The following POU6F2 variants were observed in gnomAD, a reference collection of about 807,000 sequenced individuals.
POU6F2 encodes the protein POU domain, class 6, transcription factor 2.
In POU6F2, 31 loss-of-function variants were observed where a neutral mutation model predicts 71.3. That is an observed-to-expected ratio of 0.43 (90% CI 0.33 to 0.59). The LOEUF (loss-of-function observed/expected upper bound fraction) is 0.59. Ranked by LOEUF, POU6F2 falls within the 20% of genes least tolerant of loss-of-function variation. POU6F2 has a pLI of 0.04. For missense variants in POU6F2, 783 were observed against 856.8 expected, an observed-to-expected ratio of 0.91 and a Z score of 1.07; for synonymous variants, 347 against 355.7, an observed-to-expected ratio of 0.98 and a Z score of 0.27.
chr7:39,146,532 A>C (rs1792630062), intron 2 of POU6F2, among the ~76,000 whole-genome samples: 2 of 152,238 alleles, frequency 1.3e-5, no homozygotes, highest in African/African-American at 4.8e-5. Flanking sequence ...ACCCAAATCT[A>C]AACTGTATAG....
At chr7:39,411,614 T>G (rs1787551883) in intron 6 of POU6F2, among the ~76,000 whole-genome samples, 1 of 152,208 alleles carries the variant, frequency 6.6e-6, no homozygotes, top group African/African-American at 2.4e-5. Flanking sequence ...GTCAGGTTAC[T>G]CAAGAACGCA....
At chr7:38,987,831 G>T (rs1355774580) in intron 1 of POU6F2, among the ~76,000 whole-genome samples, 1 of 151,688 alleles carries the variant, frequency 6.6e-6, no homozygotes, top group East Asian at 1.9e-4. Context: ...TTGAATAAAA[G>T]ATGGGAGTGT....
At position 39,406,756 on chromosome 7, in the gene POU6F2, G is replaced by C; in HGVS notation, c.1113+16G>C. On this transcript the variant is annotated intron_variant, in intron 6 of 9. Coordinates refer to ENST00000518318, the MANE Select transcript of POU6F2 (RefSeq NM_001370959.1). Reference sequence around the variant, plus strand: ...ACAAGGACAGGTGAGTGGGAGATGGGAACAAGAGTGCATTTTTATGGCAGA... The same window carrying C: ...ACAAGGACAGGTGAGTGGGAGATGGCAACAAGAGTGCATTTTTATGGCAGA... 6.2e-7 allele frequency: 1 copy of C among 1,612,432 alleles called. No individual in the cohort carries two copies. Among genetic ancestry groups the C allele is most frequent in the Non-Finnish European group, 8.5e-7 (1 of 1,179,842 alleles).
chr7:39,056,754 AT>A (rs1790536917), intron 1 of POU6F2, among the ~76,000 whole-genome samples: 1 of 150,764 alleles, frequency 6.6e-6, no homozygotes, highest in Admixed American at 6.6e-5. Flanking sequence ...CCAGTAGGAC[AT>A]TTTTTAATAA....
rs1794048115 is a variant in POU6F2, at chr7:39,207,630, A to G, written c.598+10A>G. The G allele has an allele frequency of 1.2e-6, 2 of 1,610,896 alleles. No individual in the cohort carries two copies. The highest frequency in any genetic ancestry group is 1.3e-5 in the African/African-American group (1 of 75,000). On this transcript the variant is annotated intron_variant, in intron 4 of 9. Coordinates refer to ENST00000518318, the MANE Select transcript of POU6F2 (RefSeq NM_001370959.1). Reference sequence around the variant, plus strand: ...CTGCAAAATCTACAAGGTAATCCATAATGTCCATGCGCCACGTAAGGCTCT... The same window carrying G: ...CTGCAAAATCTACAAGGTAATCCATGATGTCCATGCGCCACGTAAGGCTCT...
intron 2 of POU6F2, among the ~76,000 whole-genome samples, chr7:39,184,597 C>A (rs533609409): frequency 6.8e-4 from 103 of 152,298 alleles, no homozygotes; most frequent in African/African-American, 2.4e-3. Flanking sequence ...AGCAACTGTG[C>A]GGCAAGGCAA....
chr7:39,423,741 A>T (rs1037322971), intron 6 of POU6F2, among the ~76,000 whole-genome samples: 3 of 152,214 alleles, frequency 2.0e-5, no homozygotes, highest in African/African-American at 7.2e-5. Flanking sequence ...ACAAAATGGC[A>T]AGTTCTCTGT....
At chr7:39,330,597 G>T (rs1357384137) in intron 4 of POU6F2, among the ~76,000 whole-genome samples, 1 of 152,182 alleles carries the variant, frequency 6.6e-6, no homozygotes, top group African/African-American at 2.4e-5. Context: ...ATTCCTCTCA[G>T]TGTGGATTTT....
chr7:39,371,906 T>G (rs1397258305), intron 5 of POU6F2, among the ~76,000 whole-genome samples: 1 of 152,154 alleles, frequency 6.6e-6, no homozygotes, highest in Non-Finnish European at 1.5e-5. Context: ...TGTTTGTTTT[T>G]TGTGTGTGTT....
intron 5 of POU6F2, among the ~76,000 whole-genome samples, chr7:39,365,722 A>G (rs1004603966): frequency 1.3e-5 from 2 of 152,228 alleles, no homozygotes; most frequent in African/African-American, 4.8e-5. Context: ...TAGATTATCT[A>G]TTCTCAATGG....
At chr7:39,334,045 GACAAT>G (rs1280689108) in intron 4 of POU6F2, among the ~76,000 whole-genome samples, 1 of 152,192 alleles carries the variant, frequency 6.6e-6, no homozygotes, top group Non-Finnish European at 1.5e-5. Context: ...GGGTGGCTCA[GACAAT>G]ACAAGGAAAT....
intron 1 of POU6F2, among the ~76,000 whole-genome samples, chr7:39,077,351 C>T (rs1046023043): frequency 2.0e-5 from 3 of 152,134 alleles, no homozygotes; most frequent in African/African-American, 7.2e-5. Context: ...GTGAGGATTC[C>T]GAGGAGGTGT....
chr7:39,216,721 A>G (rs1048276028), intron 4 of POU6F2, among the ~76,000 whole-genome samples: 26 of 152,236 alleles, frequency 1.7e-4, no homozygotes, highest in Non-Finnish European at 1.5e-5. Context: ...TTCACAAAAT[A>G]CCAACTTTCT....
chr7:39,133,007 A>G (rs957193679), intron 2 of POU6F2, among the ~76,000 whole-genome samples: 2 of 152,238 alleles, frequency 1.3e-5, no homozygotes, highest in African/African-American at 4.8e-5. Context: ...AAAGTCCTGT[A>G]GATTCTTGTG....
chr7:39,057,220 C>G (rs553308504), intron 1 of POU6F2, among the ~76,000 whole-genome samples: 1 of 152,130 alleles, frequency 6.6e-6, no homozygotes, highest in East Asian at 1.9e-4. Context: ...TTCTCATTCT[C>G]CTTACTACTT....
intron 4 of POU6F2, among the ~76,000 whole-genome samples, chr7:39,263,320 T>C (rs57481027): frequency 0.021 from 3,145 of 152,304 alleles, 108 homozygotes; most frequent in African/African-American, 0.072. Flanking sequence ...GTTCCTCCTT[T>C]CAATATTTTA....
At chr7:39,308,600 A>G (rs1163441095) in intron 4 of POU6F2, among the ~76,000 whole-genome samples, 1 of 152,216 alleles carries the variant, frequency 6.6e-6, no homozygotes, top group Non-Finnish European at 1.5e-5. Flanking sequence ...GGAATATCAG[A>G]ACATTATTCT....
intron 4 of POU6F2, among the ~76,000 whole-genome samples, chr7:39,306,038 A>AGAGAAACATTCCAT (rs1785041800): frequency 6.6e-6 from 1 of 152,114 alleles, no homozygotes; most frequent in Non-Finnish European, 1.5e-5. Context: ...TTAACTGTAG[A>AGAGAAACATTCCAT]GAGAAACATT....
At chr7:39,194,069 T>C in intron 2 of POU6F2, among the ~76,000 whole-genome samples, 1 of 152,318 alleles carries the variant, frequency 6.6e-6, no homozygotes, top group Middle Eastern at 3.4e-3. Context: ...TTATTCAAAA[T>C]TATTTTGAAT....
Sources: allele counts gnomAD v4.1 joint callset (sites outside exome capture counted in the v4.1 genomes callset), GRCh38; gene constraint gnomAD v4.1.1; transcripts MANE v1.5; gene names NCBI Gene and HGNC (gene_info 2026-07-23, HGNC 2026-07-21).